RBFOX1: variants seen among roughly 807,000 people sequenced by gnomAD.
RBFOX1 encodes RNA binding fox-1 homolog 1, also known as RNA binding protein fox-1 homolog 1.
Under a neutral mutation model 57.7 loss-of-function variants are expected in RBFOX1, and 8 were observed. The observed-to-expected ratio is 0.14, with a 90% CI of 0.08 to 0.25. The LOEUF is 0.25. Ranked by LOEUF, RBFOX1 falls within the 10% of genes least tolerant of loss-of-function variation. The pLI, the probability that RBFOX1 is intolerant of heterozygous loss-of-function variation, is 1.00. For synonymous variants in RBFOX1, 326 were observed against 222.4 expected, an observed-to-expected ratio of 1.47 and a Z score of -4.15; for missense variants, 611 against 548.5, an observed-to-expected ratio of 1.11 and a Z score of -1.14.
chr16:6,414,853 A>T (rs1167376276), intron 2 of RBFOX1, among the ~76,000 whole-genome samples: 4 of 152,188 alleles, frequency 2.6e-5, no homozygotes, highest in Non-Finnish European at 5.9e-5. Context: ...TGCTGCTGAC[A>T]TCTAGTGGAT....
At position 5,651,943 on chromosome 16, in the gene RBFOX1, G is replaced by A. The variant is rs555189741; in HGVS notation, c.318+52982G>A. On this transcript the variant is annotated intron_variant, in intron 3 of 19. Coordinates refer to the RBFOX1 transcript ENST00000641259. ...AGGTCAGGAGTTCAAGACCAGCCTG[G>A]CCAACATGGAGAAACCCCATTTCTA... 6.6e-5 allele frequency among the ~76,000 whole-genome samples: 10 copies of A among 152,196 alleles called. No homozygotes were observed. The East Asian group carries it at 1.9e-3, about 29-fold the overall frequency.
chr16:6,712,199 C>G (rs1359862520), intron 3 of RBFOX1, among the ~76,000 whole-genome samples: 2 of 152,170 alleles, frequency 1.3e-5, no homozygotes, highest in Non-Finnish European at 2.9e-5. Flanking sequence ...CTATCAGAGG[C>G]TGTTTCAGCT....
intron 1 of RBFOX1, among the ~76,000 whole-genome samples, chr16:5,375,830 A>G (rs1042146662): frequency 3.3e-5 from 5 of 152,194 alleles, no homozygotes; most frequent in East Asian, 1.9e-4. Flanking sequence ...CTAAAGGCTC[A>G]TAAGTGCCCT....
chr16:7,106,518 G>A (rs950211256), intron 4 of RBFOX1, among the ~76,000 whole-genome samples: 1 of 152,134 alleles, frequency 6.6e-6, no homozygotes, highest in African/African-American at 2.4e-5. Context: ...CATTAATTCT[G>A]CACTACTTGT....
intron 3 of RBFOX1, among the ~76,000 whole-genome samples, chr16:5,729,111 G>A (rs1023369527): frequency 1.3e-5 from 2 of 152,182 alleles, no homozygotes; most frequent in South Asian, 2.1e-4. Flanking sequence ...GCTGAGAACC[G>A]GAACAGTTGA....
chr16:7,524,229 G>C (rs142086075), intron 5 of RBFOX1, among the ~76,000 whole-genome samples: 1 of 152,292 alleles, frequency 6.6e-6, no homozygotes, highest in East Asian at 1.9e-4. Flanking sequence ...ATATGCACAT[G>C]ATTTAACACA....
In RBFOX1 at chr16:7,036,706, C is replaced by CAA. The variant is rs1408209287; in HGVS notation, c.-15-15349_-15-15348dup. Among the ~76,000 whole-genome samples, 703 of 140,292 alleles carry CAA rather than the reference C, an allele frequency of 5.0e-3. 3 individuals carry two copies. The highest frequency in any genetic ancestry group is 0.016 in the African/African-American group (642 of 39,010). 92.0% of individuals were successfully genotyped at this position (140,292 alleles called of 152,430 possible). On this transcript the variant is annotated intron_variant, in intron 3 of 15. Transcript: ENST00000550418. ...AAACTCCGTCTCAAAAACAAACAAACAAACAAAAAAAACAAAAAACAAACA... is the reference window on the plus strand; with the variant it reads ...AAACTCCGTCTCAAAAACAAACAAACAAAAACAAAAAAAACAAAAAACAAACA...
chr16:6,496,154 A>T lies in RBFOX1; in HGVS notation c.-63-158449A>T, dbSNP rs149875065. Among the ~76,000 whole-genome samples the T allele has an allele frequency of 7.0e-3, 1,061 of 152,316 alleles. 5 individuals carry two copies. Among genetic ancestry groups the T allele is most frequent in the Middle Eastern group, 0.048 (14 of 294 alleles). Reference sequence around the variant, plus strand: ...AGGGGAATTTGGAAAGGCATGGCTTACAGCATTGGTATTTGTAAATTAGTG... The same window carrying T: ...AGGGGAATTTGGAAAGGCATGGCTTTCAGCATTGGTATTTGTAAATTAGTG... On this transcript the variant is annotated intron_variant, in intron 2 of 15. Transcript: ENST00000550418.
intron 3 of RBFOX1, among the ~76,000 whole-genome samples, chr16:6,663,178 G>A (rs1368285011): frequency 8.5e-5 from 13 of 152,162 alleles, no homozygotes; most frequent in Non-Finnish European, 1.5e-5. Context: ...AGGAAGGTTT[G>A]CATTTTCAAG....
chr16:6,193,391 ACT>A (rs1491213407), intron 1 of RBFOX1, among the ~76,000 whole-genome samples: 10 of 15,752 alleles, frequency 6.3e-4, no homozygotes, highest in African/African-American at 1.2e-3. Flanking sequence ...ATATATATAT[ACT>A]ATATATATAT....
intron 3 of RBFOX1, among the ~76,000 whole-genome samples, chr16:6,803,232 A>G (rs560210594): frequency 6.6e-6 from 1 of 152,132 alleles, no homozygotes; most frequent in Admixed American, 6.6e-5. Context: ...ATTGCCTATG[A>G]CATTGCTGTT....
At chr16:6,829,037 G>T (rs572885941) in intron 3 of RBFOX1, among the ~76,000 whole-genome samples, 196 of 152,080 alleles carry the variant, frequency 1.3e-3, no homozygotes, top group African/African-American at 3.6e-3. Context: ...TTCTTGAGAC[G>T]GTGTCAAGAG....
At chr16:6,468,423 G>T (rs139966385) in intron 2 of RBFOX1, among the ~76,000 whole-genome samples, 6 of 152,116 alleles carry the variant, frequency 3.9e-5, no homozygotes, top group African/African-American at 1.4e-4. Flanking sequence ...ATGTTGTAAA[G>T]AATACAATTA....
intron 3 of RBFOX1, among the ~76,000 whole-genome samples, chr16:7,026,196 C>T (rs886479046): frequency 2.0e-5 from 3 of 152,286 alleles, no homozygotes; most frequent in African/African-American, 7.2e-5. Flanking sequence ...ACTCTGAGGA[C>T]ATCAAGACCG....
intron 2 of RBFOX1, among the ~76,000 whole-genome samples, chr16:6,601,970 ACTCTT>A (rs1224311563): frequency 6.6e-5 from 10 of 151,798 alleles, no homozygotes; most frequent in Non-Finnish European, 7.4e-5. Flanking sequence ...CAGATAAACA[ACTCTT>A]CTCTCTTGTC....
chr16:7,107,068 C>G (rs1208356237), intron 4 of RBFOX1, among the ~76,000 whole-genome samples: 1 of 151,874 alleles, frequency 6.6e-6, no homozygotes, highest in Non-Finnish European at 1.5e-5. Context: ...GGAAATACTT[C>G]TATAAGGAAC....
chr16:6,899,488 C>G (rs1002921732), intron 3 of RBFOX1, among the ~76,000 whole-genome samples: 1 of 152,308 alleles, frequency 6.6e-6, no homozygotes, highest in South Asian at 2.1e-4. Flanking sequence ...ACCGAGTCAT[C>G]TGCTTACTAT....
intron 1 of RBFOX1, among the ~76,000 whole-genome samples, chr16:5,375,982 C>A (rs544940813): frequency 6.6e-6 from 1 of 152,088 alleles, no homozygotes; most frequent in South Asian, 2.1e-4. Flanking sequence ...GCCTGGCCAA[C>A]GTGGCAAAAC....
At chr16:7,219,517 G>GT (rs1217434564) in intron 4 of RBFOX1, among the ~76,000 whole-genome samples, 2 of 152,184 alleles carry the variant, frequency 1.3e-5, no homozygotes, top group Non-Finnish European at 2.9e-5. Flanking sequence ...GTGTTTAAGG[G>GT]TGTAATGTGC....
Sources: gnomAD v4.1 joint callset for allele counts (sites outside exome capture counted in the v4.1 genomes callset) on GRCh38, gnomAD v4.1.1 for gene constraint, MANE v1.5 for transcripts, NCBI Gene and HGNC (gene_info 2026-07-23, HGNC 2026-07-21) for gene names.